CRYZ: variants seen among roughly 807,000 people sequenced by gnomAD.
CRYZ encodes crystallin zeta.
CRYZ carries 35 observed loss-of-function variants against 34.1 expected under a neutral mutation model. That is an observed-to-expected ratio of 1.03 (90% CI 0.78 to 1.36). The LOEUF is 1.36. Among genes scored for constraint, CRYZ ranks in the 40% most tolerant of loss-of-function variants. The pLI, the probability that CRYZ is intolerant of heterozygous loss-of-function variation, is 0.00. For synonymous variants in CRYZ, 137 were observed against 136.5 expected (o/e 1.00, Z -0.03); for missense variants, 403 against 391.8 (o/e 1.03, Z -0.24).
chr1:74,707,471 G>C (rs1279316468), intron 6 of CRYZ: 2 of 226,820 alleles, frequency 8.8e-6, no homozygotes, highest in African/African-American at 4.5e-5. Flanking sequence ...TCAGGTGCTA[G>C]ACTCAACTTG....
intron 6 of CRYZ, chr1:74,707,678 T>C (rs146056432): frequency 0.014 from 2,146 of 152,900 alleles, 34 homozygotes; most frequent in African/African-American, 0.041. Flanking sequence ...AAATGGTTTA[T>C]CATCTGTTTG....
chr1:74,711,258 C>G (rs1646998959), intron 5 of CRYZ, among the ~76,000 whole-genome samples: 1 of 152,096 alleles, frequency 6.6e-6, no homozygotes, highest in Non-Finnish European at 1.5e-5. Flanking sequence ...AGAGCTTAAG[C>G]CAGGAAATGA....
chr1:74,710,928 T>A (rs1201113988), intron 5 of CRYZ, among the ~76,000 whole-genome samples: 1 of 152,088 alleles, frequency 6.6e-6, no homozygotes, highest in East Asian at 1.9e-4. Context: ...GCTGTTGGGT[T>A]AAAGAGACAG....
chr1:74,714,177 G>A (rs1647040680), intron 5 of CRYZ, among the ~76,000 whole-genome samples: 1 of 152,028 alleles, frequency 6.6e-6, no homozygotes, highest in Non-Finnish European at 1.5e-5. Context: ...GCTGTCTGGG[G>A]CAACATAGGT....
chr1:74,710,172 G>C lies in CRYZ; in HGVS notation c.556C>G (p.Gln186Glu), dbSNP rs955076361. The change falls in exon 6 of 9, where the codon CAA becomes GAA. Residue 186 changes from glutamine (Q) to glutamate (E), a missense_variant. Physicochemically the swap from Gln to Glu is conservative, Grantham distance 29 (BLOSUM62 2). Coordinates refer to ENST00000340866, the MANE Select transcript of CRYZ (RefSeq NM_001889.4). The stretch of plus-strand genomic sequence containing the variant: ...GCTCCATTTTGCAAAACAATCTTTT[G>C]TCCTTCCTCAGTACCAGCAGTGCCC... ...ILGTAGTEEGQKIVLQNGAHE... is the reference protein window; with the variant it reads ...ILGTAGTEEGEKIVLQNGAHE... The C allele has an allele frequency of 6.2e-7, 1 of 1,613,780 alleles. No homozygotes were observed. Among genetic ancestry groups the C allele is most frequent in the African/African-American group, 1.3e-5 (1 of 75,000 alleles).
At chr1:74,732,050 G>A (rs562445953) in intron 1 of CRYZ, among the ~76,000 whole-genome samples, 140 of 152,276 alleles carry the variant, frequency 9.2e-4, no homozygotes, top group African/African-American at 3.1e-3. Context: ...CCCCACAGCT[G>A]GGCTGTGGGA....
chr1:74,729,360 T>C (rs1195889263), intron 1 of CRYZ, among the ~76,000 whole-genome samples: 1 of 151,658 alleles, frequency 6.6e-6, no homozygotes, highest in African/African-American at 2.4e-5. Context: ...ATCTTGTATA[T>C]AGTAGACATC....
At chr1:74,714,024 C>T (rs944808296) in intron 5 of CRYZ, among the ~76,000 whole-genome samples, 1 of 151,960 alleles carries the variant, frequency 6.6e-6, no homozygotes, top group Non-Finnish European at 1.5e-5. Flanking sequence ...TCCCCCATTC[C>T]CCCACATTAG....
At chr1:74,727,703 T>C (rs977278725) in intron 1 of CRYZ, among the ~76,000 whole-genome samples, 29 of 133,858 alleles carry the variant, frequency 2.2e-4, no homozygotes, top group African/African-American at 7.7e-4. Context: ...ATCATGGGAA[T>C]AGCATGCAAA....
At chr1:74,722,223 A>G (rs1647175468) in intron 3 of CRYZ, among the ~76,000 whole-genome samples, 1 of 152,122 alleles carries the variant, frequency 6.6e-6, no homozygotes, top group African/African-American at 2.4e-5. Flanking sequence ...GGGGGAGAGG[A>G]GAACAGAAGA....
At chr1:74,712,150 C>G (rs935874620) in intron 5 of CRYZ, among the ~76,000 whole-genome samples, 11 of 152,180 alleles carry the variant, frequency 7.2e-5, no homozygotes, top group Non-Finnish European at 1.6e-4. Flanking sequence ...AGAGCAATTA[C>G]TTAAATAACA....
Position 74,706,297 on chromosome 1 carries a change from C to A in CRYZ, c.989G>T (p.Ter330LeuextTer1). 6.2e-7 allele frequency: 1 copy of A among 1,601,216 alleles called. No homozygotes were observed. The highest frequency in any genetic ancestry group is 8.5e-7 in the Non-Finnish European group (1 of 1,175,258). ...GGAAATCCATGAAAGAATTAATCATCATAAGAGAAGAATCATTTTTCCAGT... is the reference window on the plus strand; with the variant it reads ...GGAAATCCATGAAAGAATTAATCATAATAAGAGAAGAATCATTTTTCCAGT... Reference protein sequence around the residue: ...GATGKMILLL* With the variant: ...GATGKMILLLL The change falls in exon 9 of 9, where the codon TGA becomes TTA. Residue 330 changes from the stop codon to leucine, a stop_lost. Coordinates refer to ENST00000340866, the MANE Select transcript of CRYZ (RefSeq NM_001889.4).
At chr1:74,706,575 T>A in intron 8 of CRYZ, 118 bp from the exon 9 acceptor site, 1 of 971,378 alleles carries the variant, frequency 1.0e-6, no homozygotes, top group Non-Finnish European at 1.5e-6. Context: ...TACAAATGTG[T>A]GACTTTTGTC....
At chr1:74,729,134 G>GT (rs35216240) in intron 1 of CRYZ, among the ~76,000 whole-genome samples, 121 of 144,010 alleles carry the variant, frequency 8.4e-4, no homozygotes, top group Admixed American at 1.5e-3. Context: ...TTTTTGTTTT[G>GT]TTTTTTTTTT....
intron 1 of CRYZ, among the ~76,000 whole-genome samples, chr1:74,732,528 G>T (rs113407138): frequency 6.7e-6 from 1 of 149,920 alleles, no homozygotes; most frequent in Non-Finnish European, 1.5e-5. Flanking sequence ...TGGACAGACC[G>T]CTGGGCGCTG....
chr1:74,721,209 A>G (rs1296157474), intron 3 of CRYZ, among the ~76,000 whole-genome samples: 1 of 152,216 alleles, frequency 6.6e-6, no homozygotes, highest in Non-Finnish European at 1.5e-5. Context: ...AAGAAATTGA[A>G]GCTAAAGTGT....
chr1:74,724,304 T>G (rs1647227010), intron 2 of CRYZ, among the ~76,000 whole-genome samples: 1 of 152,202 alleles, frequency 6.6e-6, no homozygotes, highest in African/African-American at 2.4e-5. Context: ...TGGAGATGAT[T>G]AAACTATATA....
chr1:74,714,872 G>A (rs1037119859), intron 4 of CRYZ, among the ~76,000 whole-genome samples: 2 of 152,120 alleles, frequency 1.3e-5, no homozygotes, highest in Non-Finnish European at 2.9e-5. Context: ...CTATGCTGCT[G>A]GACACTGGGA....
At chr1:74,714,455 C>T in intron 5 of CRYZ, 124 bp downstream of exon 5, 1 of 835,192 alleles carries the variant, frequency 1.2e-6, no homozygotes. Context: ...AGTTTTACTA[C>T]ATAAAGAAAA....
Sources: allele counts gnomAD v4.1 joint callset (sites outside exome capture counted in the v4.1 genomes callset), GRCh38; gene constraint gnomAD v4.1.1; transcripts MANE v1.5; gene names NCBI Gene and HGNC (gene_info 2026-07-23, HGNC 2026-07-21).